ROBO2: variants seen among roughly 807,000 people sequenced by gnomAD.
The protein encoded by ROBO2 is roundabout guidance receptor 2.
In ROBO2, 53 loss-of-function variants were observed where a neutral mutation model predicts 160.8. The observed-to-expected ratio is 0.33, with a 90% CI of 0.26 to 0.41. The LOEUF (loss-of-function observed/expected upper bound fraction) is 0.41. Among genes scored for constraint, ROBO2 ranks in the 10% least tolerant of loss-of-function variants. The pLI, the probability that ROBO2 is intolerant of heterozygous loss-of-function variation, is 1.00. For missense variants in ROBO2, 1,577 were observed against 1,722.4 expected (o/e 0.92, Z 1.49); for synonymous variants, 664 against 611.7 (o/e 1.09, Z -1.26).
chr3:77,290,117 C>G (rs1252092742), intron 2 of ROBO2, among the ~76,000 whole-genome samples: 3 of 148,426 alleles, frequency 2.0e-5, no homozygotes, highest in Non-Finnish European at 4.5e-5. Flanking sequence ...GCTAGATCAC[C>G]AAAGACATAA....
At chr3:75,966,644 T>C (rs746305059) in intron 2 of ROBO2, among the ~76,000 whole-genome samples, 3 of 151,670 alleles carry the variant, frequency 2.0e-5, no homozygotes, top group Non-Finnish European at 4.4e-5. Flanking sequence ...ATCAATCTCA[T>C]AATGTTGTGT....
intron 2 of ROBO2, among the ~76,000 whole-genome samples, chr3:76,539,058 G>A (rs263521): frequency 1.3e-5 from 2 of 152,024 alleles, no homozygotes; most frequent in Non-Finnish European, 2.9e-5. Flanking sequence ...CATGGATGAA[G>A]CTGGAAACCA....
intron 2 of ROBO2, among the ~76,000 whole-genome samples, chr3:76,534,027 A>G (rs2082364520): frequency 1.3e-5 from 2 of 152,180 alleles, no homozygotes; most frequent in African/African-American, 2.4e-5. Flanking sequence ...GCTGAGCTTC[A>G]GCTCAGAGAC....
chr3:76,381,585 A>C (rs1464399201), intron 2 of ROBO2, among the ~76,000 whole-genome samples: 1 of 152,020 alleles, frequency 6.6e-6, no homozygotes, highest in Non-Finnish European at 1.5e-5. Flanking sequence ...TCCTGACTTC[A>C]TGATCCACCC....
intron 2 of ROBO2, among the ~76,000 whole-genome samples, chr3:76,023,348 C>T (rs2066631914): frequency 6.6e-6 from 1 of 151,662 alleles, no homozygotes; most frequent in African/African-American, 2.4e-5. Flanking sequence ...TTCAACATGC[C>T]TTCTTCATTA....
intron 2 of ROBO2, among the ~76,000 whole-genome samples, chr3:77,126,739 G>A (rs1037915599): frequency 7.1e-6 from 1 of 141,302 alleles, no homozygotes; most frequent in African/African-American, 2.7e-5. Flanking sequence ...AGATGGTGAA[G>A]TCTTTGTGGG....
intron 2 of ROBO2, among the ~76,000 whole-genome samples, chr3:77,471,117 A>T (rs1027050032): frequency 6.6e-6 from 1 of 152,188 alleles, no homozygotes; most frequent in Admixed American, 6.5e-5. Flanking sequence ...TCATGTGCAC[A>T]TTGTGGTTTA....
At chr3:76,975,641 T>A (rs891529670) in intron 2 of ROBO2, among the ~76,000 whole-genome samples, 3 of 152,116 alleles carry the variant, frequency 2.0e-5, no homozygotes, top group Non-Finnish European at 1.5e-5. Flanking sequence ...CCTAATTAGC[T>A]TTTGAAGGAA....
In ROBO2 at chr3:75,991,250, A is replaced by T. The variant is rs527884869; in HGVS notation, c.109+53648A>T. On this transcript the variant is annotated intron_variant, in intron 2 of 26. Transcript: ENST00000487694. ...ACAGTGATTATAATAAGGAAAAGAT[A>T]CAAGATGACAGTTGATATGGTTTGG... Among the ~76,000 whole-genome samples the T allele has an allele frequency of 5.1e-4, 77 of 152,290 alleles. 1 individual carries two copies. Among genetic ancestry groups the T allele is most frequent in the African/African-American group, 1.7e-3 (72 of 41,560 alleles).
intron 2 of ROBO2, among the ~76,000 whole-genome samples, chr3:76,336,083 G>T (rs2073871535): frequency 6.6e-6 from 1 of 152,168 alleles, no homozygotes. Context: ...TCATGAAAAA[G>T]ATTGAACTAG....
Position 76,788,552 on chromosome 3 carries a change from T to C in ROBO2, c.110-309462T>C, listed in dbSNP as rs2063145339. On this transcript the variant is annotated intron_variant, in intron 2 of 26. Transcript: ENST00000487694. ...GTCTTTTAATGTAGATATTACCAAATTTGTAGGACTTTTATGATAAGAAAT... is the reference window on the plus strand; with the variant it reads ...GTCTTTTAATGTAGATATTACCAAACTTGTAGGACTTTTATGATAAGAAAT... 2.0e-5 allele frequency among the ~76,000 whole-genome samples: 3 copies of C among 151,516 alleles called. No homozygotes were observed. In the Admixed American group the frequency reaches 2.0e-4, roughly 10 times the overall value.
At chr3:75,923,077 A>C (rs1009648204) in intron 1 of ROBO2, among the ~76,000 whole-genome samples, 35 of 152,360 alleles carry the variant, frequency 2.3e-4, no homozygotes, top group Middle Eastern at 3.4e-3. Context: ...GATGCCTATC[A>C]GAAAATATAT....
chr3:76,284,253 A>G (rs1011589398), intron 2 of ROBO2, among the ~76,000 whole-genome samples: 1 of 152,072 alleles, frequency 6.6e-6, no homozygotes, highest in African/African-American at 2.4e-5. Context: ...CCTTAATGCT[A>G]TTCCTACTTC....
chr3:76,068,096 G>T (rs2068319740), intron 2 of ROBO2, among the ~76,000 whole-genome samples: 2 of 152,150 alleles, frequency 1.3e-5, no homozygotes, highest in Admixed American at 1.3e-4. Context: ...TCATTAAGCA[G>T]GTGAAATGTG....
intron 2 of ROBO2, among the ~76,000 whole-genome samples, chr3:75,987,830 G>C (rs779000683): frequency 6.6e-6 from 1 of 151,896 alleles, no homozygotes; most frequent in South Asian, 2.1e-4. Context: ...TTAATATGGG[G>C]TATTACATTG....
At chr3:76,346,923 T>G (rs1292771808) in intron 2 of ROBO2, among the ~76,000 whole-genome samples, 1 of 152,156 alleles carries the variant, frequency 6.6e-6, no homozygotes, top group Non-Finnish European at 1.5e-5. Context: ...CATAATGATA[T>G]ACTCCCTAAT....
At chr3:76,250,884 A>T (rs1325688015) in intron 2 of ROBO2, among the ~76,000 whole-genome samples, 1 of 152,058 alleles carries the variant, frequency 6.6e-6, no homozygotes, top group Non-Finnish European at 1.5e-5. Flanking sequence ...TTATTTTCAA[A>T]ACTTGACTCC....
In ROBO2 at chr3:76,050,454, G is replaced by A. The variant is rs539025330; in HGVS notation, c.109+112852G>A. ...CCTGGGTCCTCAGCTTGCAGATGGC[G>A]TATTGGGGGCTTCACCTTATGATCA... On this transcript the variant is annotated intron_variant, in intron 2 of 26. Transcript: ENST00000487694. 1.2e-4 allele frequency among the ~76,000 whole-genome samples: 19 copies of A among 152,152 alleles called. 1 individual carries two copies. The highest frequency in any genetic ancestry group is 2.6e-4 in the Admixed American group (4 of 15,282).
intron 2 of ROBO2, among the ~76,000 whole-genome samples, chr3:76,990,585 G>GC (rs1283441872): frequency 1.3e-5 from 2 of 152,106 alleles, no homozygotes; most frequent in East Asian, 1.9e-4. Context: ...GCTCCCTCTG[G>GC]CCCCCCAACA....
Sources: allele counts gnomAD v4.1 joint callset (sites outside exome capture counted in the v4.1 genomes callset), GRCh38; gene constraint gnomAD v4.1.1; transcripts MANE v1.5; gene names NCBI Gene and HGNC (gene_info 2026-07-23, HGNC 2026-07-21).